Variants in FOXK2 observed in about 807,000 individuals in gnomAD.
FOXK2 encodes forkhead box protein K2.
FOXK2 carries 24 observed loss-of-function variants against 53.3 expected under a neutral mutation model. That is an observed-to-expected ratio of 0.45 (90% confidence interval 0.33 to 0.63). The LOEUF (loss-of-function observed/expected upper bound fraction) is 0.63. FOXK2 is among the 30% of genes least tolerant of loss of function. The probability of loss-of-function intolerance (pLI) is 0.03; values close to 1 mark genes in which losing one functional copy is unlikely to be tolerated. For synonymous variants in FOXK2, 505 were observed against 407.1 expected (o/e 1.24, Z -2.89); for missense variants, 952 against 910.5 (o/e 1.05, Z -0.59).
At chr17:82,555,433 T>G (rs548372533) in intron 1 of FOXK2, among the ~76,000 whole-genome samples, 1 of 152,272 alleles carries the variant, frequency 6.6e-6, no homozygotes, top group Non-Finnish European at 1.5e-5. Context: ...GTTTTTAATT[T>G]CTAGTTTTGA....
At chr17:82,589,249 G>A (rs1033323136) in intron 8 of FOXK2, among the ~76,000 whole-genome samples, 4 of 152,118 alleles carry the variant, frequency 2.6e-5, no homozygotes, top group Non-Finnish European at 5.9e-5. Flanking sequence ...ACTTGCCCAC[G>A]TGTGGACACA....
chr17:82,589,961 G>A (rs955190794), intron 8 of FOXK2, among the ~76,000 whole-genome samples: 2 of 151,852 alleles, frequency 1.3e-5, no homozygotes, highest in African/African-American at 2.4e-5. Context: ...CAGGAGAATC[G>A]CTTGAACCTG....
chr17:82,577,584 C>T (rs945336911), intron 4 of FOXK2, among the ~76,000 whole-genome samples: 1 of 152,072 alleles, frequency 6.6e-6, no homozygotes, highest in Non-Finnish European at 1.5e-5. Context: ...GCCGACACTG[C>T]GGGCCAAGGT....
chr17:82,528,904 T>G (rs2044444624), intron 1 of FOXK2, among the ~76,000 whole-genome samples: 1 of 152,198 alleles, frequency 6.6e-6, no homozygotes, highest in Non-Finnish European at 1.5e-5. Flanking sequence ...CCGGGGTGAG[T>G]CTGCCTCCTT....
chr17:82,592,877 C>T (rs1288651816), intron 8 of FOXK2, among the ~76,000 whole-genome samples: 1 of 151,872 alleles, frequency 6.6e-6, no homozygotes, highest in African/African-American at 2.4e-5. Context: ...AAAGCAGACC[C>T]CGTGAAGGTC....
At chr17:82,539,981 T>C (rs1436152993) in intron 1 of FOXK2, among the ~76,000 whole-genome samples, 2 of 134,334 alleles carry the variant, frequency 1.5e-5, no homozygotes, top group Admixed American at 7.6e-5. Context: ...AAAAAAAATA[T>C]CGATAATTGA....
rs9903481 is a variant in FOXK2, at chr17:82,587,463, G to A, written c.1786+191G>A. 3,225 of 607,944 alleles carry A rather than the reference G, an allele frequency of 5.3e-3. 71 individuals carry two copies. The highest frequency in any genetic ancestry group is 0.051 in the African/African-American group (2,800 of 54,370). 37.7% of individuals were successfully genotyped at this position (607,944 alleles called of 1,614,324 possible). On this transcript the variant is annotated intron_variant, in intron 8 of 8. Transcript: ENST00000335255. ...GAGTCGGCCGTCATGGGATTCCCGT[G>A]GGAGGACCTGCCTGAAAAGAGATGA...
intron 1 of FOXK2, among the ~76,000 whole-genome samples, chr17:82,522,777 C>T (rs1223519356): frequency 6.6e-6 from 1 of 152,048 alleles, no homozygotes; most frequent in Admixed American, 6.6e-5. Context: ...ATAAGTTGAC[C>T]TTTCAGTGAG....
chr17:82,596,366 G>A (rs1041592175), intron 8 of FOXK2, among the ~76,000 whole-genome samples: 3 of 151,966 alleles, frequency 2.0e-5, no homozygotes, highest in Non-Finnish European at 4.4e-5. Context: ...TGGTGTAGGG[G>A]GACCCTCAGA....
At chr17:82,524,966 T>C (rs1363281631) in intron 1 of FOXK2, among the ~76,000 whole-genome samples, 2 of 148,264 alleles carry the variant, frequency 1.3e-5, no homozygotes, top group African/African-American at 5.0e-5. Context: ...ATGCCCTCTT[T>C]GAGGACAAGG....
At chr17:82,583,342 C>A (rs2045087842) in intron 5 of FOXK2, among the ~76,000 whole-genome samples, 1 of 152,158 alleles carries the variant, frequency 6.6e-6, no homozygotes, top group South Asian at 2.1e-4. Flanking sequence ...GTCAGGAGGT[C>A]GAGATCAGCC....
In FOXK2 at chr17:82,552,742, A is replaced by G. The variant is rs150541451; in HGVS notation, c.420-10612A>G. Among the ~76,000 whole-genome samples, 263 of 152,162 alleles carry G rather than the reference A, an allele frequency of 1.7e-3. 2 individuals carry two copies. The highest frequency in any genetic ancestry group is 5.9e-3 in the African/African-American group (246 of 41,522). ...CTGGTGTCGTTTTGTGCCGTGGACA[A>G]TGATGCTGGCTGTGAGCACTTGGCT... On this transcript the variant is annotated intron_variant, in intron 1 of 8. Transcript: ENST00000335255.
chr17:82,596,001 A>C (rs980485739), intron 8 of FOXK2: 1 of 1,157,918 alleles, frequency 8.6e-7, no homozygotes, highest in Non-Finnish European at 1.1e-6. Flanking sequence ...GAGAAAGGCC[A>C]CTGGAAACCA....
chr17:82,525,595 C>T (rs144035537), intron 1 of FOXK2, among the ~76,000 whole-genome samples: 78 of 152,128 alleles, frequency 5.1e-4, no homozygotes, highest in African/African-American at 1.6e-3. Context: ...ATTTTTGTTG[C>T]CATGGTAACA....
In FOXK2 at chr17:82,596,015, T is replaced by C. The variant is rs1250339142; in HGVS notation, c.1787-5288T>C. 2.6e-6 allele frequency: 3 copies of C among 1,156,000 alleles called. No homozygotes were observed. The East Asian group carries it at 2.0e-4, about 79-fold the overall frequency. The allele number at this position is 1,156,000 out of a possible 1,614,324, so 71.6% of individuals were successfully genotyped here. A position where few individuals can be genotyped will look rare whatever the true frequency, so the allele number is the denominator to read the frequency against. On this transcript the variant is annotated intron_variant, in intron 8 of 8. Coordinates refer to ENST00000335255, the MANE Select transcript of FOXK2 (RefSeq NM_004514.4). ...GGAGAAAGGCCACTGGAAACCAGAG[T>C]CACACTGCGCGTCTGTGCATCTCTG...
intron 1 of FOXK2, among the ~76,000 whole-genome samples, chr17:82,540,171 C>T (rs1053059360): frequency 1.1e-4 from 16 of 151,822 alleles, no homozygotes; most frequent in Non-Finnish European, 2.2e-4. Flanking sequence ...ATCCTGGCTA[C>T]TTGGGAGGCT....
At chr17:82,563,675 A>T in intron 2 of FOXK2, 127 bp downstream of exon 2, 1 of 772,600 alleles carries the variant, frequency 1.3e-6, no homozygotes, top group Non-Finnish European at 1.9e-6. Flanking sequence ...TTAAAATATC[A>T]TTGGATTTCT....
At chr17:82,538,950 C>A (rs1399636139) in intron 1 of FOXK2, among the ~76,000 whole-genome samples, 1 of 152,210 alleles carries the variant, frequency 6.6e-6, no homozygotes. Flanking sequence ...TTCTTCCTCT[C>A]CTGGTTTATC....
At position 82,568,187 on chromosome 17, in the gene FOXK2, G is replaced by A. The variant is rs2044873206; in HGVS notation, c.748G>A (p.Gly250Arg). The A allele has an allele frequency of 1.9e-6, 3 of 1,612,856 alleles. No homozygotes were observed. The change falls in exon 3 of 9, where the codon GGA (glycine) becomes AGA (arginine). Residue 250 changes from glycine (G) to arginine (R), a missense_variant. By Grantham distance (125) the Gly-to-Arg change is moderately radical. This residue lies in a region of FOXK2 where 160 missense variants were observed against 214.2 expected (regional missense o/e 0.75). Coordinates refer to ENST00000335255, the MANE Select transcript of FOXK2 (RefSeq NM_004514.4). ...QPENEKEASG[G>R]DSPKDDSKPP... ...TGAAAATGAAAAGGAAGCTTCAGGT[G>A]GAGACAGCCCGAAGGTAAAGGCTTT...
Sources: allele counts gnomAD v4.1 joint callset (sites outside exome capture counted in the v4.1 genomes callset), GRCh38; gene constraint gnomAD v4.1.1; regional missense constraint gnomAD v4.1.1; transcripts MANE v1.5; gene names NCBI Gene and HGNC (gene_info 2026-07-23, HGNC 2026-07-21).